B4GALT1: variants seen among roughly 807,000 people sequenced by gnomAD.
B4GALT1 encodes beta-1,4-galactosyltransferase 1.
B4GALT1 carries 16 observed loss-of-function variants against 34.9 expected under a neutral mutation model. The observed-to-expected ratio is 0.46, with a 90% CI of 0.31 to 0.70. The LOEUF is 0.70. B4GALT1 is among the 30% of genes least tolerant of loss of function. The pLI, the probability that B4GALT1 is intolerant of heterozygous loss-of-function variation, is 0.05. For synonymous variants in B4GALT1, 221 were observed against 218.1 expected, an observed-to-expected ratio of 1.01 and a Z score of -0.12; for missense variants, 445 against 530.5, an observed-to-expected ratio of 0.84 and a Z score of 1.58.
the B4GALT1 span, among the ~76,000 whole-genome samples, chr9:33,183,996 C>A: frequency 6.6e-6 from 1 of 151,840 alleles, no homozygotes; most frequent in African/African-American, 2.4e-5. Context: ...GGGAGGGGAA[C>A]ATCACACGCT....
intron 3 of B4GALT1, among the ~76,000 whole-genome samples, chr9:33,117,522 A>C (rs1474899252): frequency 6.6e-6 from 1 of 152,176 alleles, no homozygotes; most frequent in Non-Finnish European, 1.5e-5. Context: ...TGTGACTCTG[A>C]GTGCAGCTCC....
chr9:33,124,758 C>A (rs950626920), intron 2 of B4GALT1, among the ~76,000 whole-genome samples: 9 of 152,208 alleles, frequency 5.9e-5, no homozygotes, highest in African/African-American at 2.2e-4. Flanking sequence ...GGAGACTCTG[C>A]CTTCTGTAGT....
intron 1 of B4GALT1, among the ~76,000 whole-genome samples, chr9:33,135,675 C>T (rs1354176368): frequency 1.3e-5 from 2 of 152,184 alleles, no homozygotes; most frequent in East Asian, 1.9e-4. Flanking sequence ...GTGAAGCACT[C>T]GCCTGCCCAG....
exon 3 of B4GALT1, chr9:33,104,122 T>G (rs575452387): frequency 1.3e-5 from 2 of 152,322 alleles, no homozygotes; most frequent in South Asian, 4.1e-4. Flanking sequence ...ACTCCCAGAA[T>G]GGGTGTGGTA....
intron 1 of B4GALT1, among the ~76,000 whole-genome samples, chr9:33,151,449 C>G (rs1264230481): frequency 6.6e-6 from 1 of 152,074 alleles, no homozygotes; most frequent in Non-Finnish European, 1.5e-5. Flanking sequence ...TGTGGAGGGC[C>G]CACTACTCCT....
At chr9:33,166,625 AT>A (rs1177399959) in intron 1 of B4GALT1, 132 bp downstream of exon 1, 3 of 1,123,946 alleles carry the variant, frequency 2.7e-6, no homozygotes, top group Non-Finnish European at 3.6e-6. Flanking sequence ...TCTGTCTGGG[AT>A]TTAAAACTCT....
At position 33,120,542 on chromosome 9, in the gene B4GALT1, T is replaced by C; in HGVS notation, c.713A>G (p.Asp238Gly). The C allele has an allele frequency of 1.2e-6, 2 of 1,614,186 alleles. No homozygotes were observed. The highest frequency in any genetic ancestry group is 1.7e-6 in the Non-Finnish European group (2 of 1,180,036). ...AAACACAAAGCAGGTGTAGTCATAG[T>C]CCTTCAAGGCTTCTTGAAAGCCAAC... ...LNVGFQEALK[D>G]YDYTCFVFSD... The change falls in exon 3 of 6, where the codon GAC (aspartate) becomes GGC (glycine). Residue 238 changes from aspartate to glycine, a missense_variant. Physicochemically the swap from Asp to Gly is moderately conservative, Grantham distance 94. This residue lies in a region of B4GALT1 where 349 missense variants were observed against 395.5 expected (regional missense o/e 0.88). Coordinates refer to ENST00000379731, the MANE Select transcript of B4GALT1 (RefSeq NM_001497.4).
chr9:33,139,834 C>T (rs927319559), intron 1 of B4GALT1, among the ~76,000 whole-genome samples: 3 of 152,252 alleles, frequency 2.0e-5, no homozygotes, highest in African/African-American at 7.2e-5. Context: ...TGCTGTGCGG[C>T]GCATGGCGTG....
In B4GALT1 at chr9:33,167,303, G is replaced by A; in HGVS notation, c.-134C>T. 1 of 1,185,298 alleles carries A rather than the reference G, an allele frequency of 8.4e-7. No homozygotes were observed. Among genetic ancestry groups the A allele is most frequent in the Non-Finnish European group, 1.1e-6 (1 of 901,190 alleles). 73.4% of individuals were successfully genotyped at this position (1,185,298 alleles called of 1,614,324 possible). A position where few individuals can be genotyped will look rare whatever the true frequency, so the allele number is the denominator to read the frequency against. ...AGCGGGGGCGGGCGAGCGGCTGAGAGCTGAGACTCCTCCAGCCAGCCAGAC... is the reference window on the plus strand; with the variant it reads ...AGCGGGGGCGGGCGAGCGGCTGAGAACTGAGACTCCTCCAGCCAGCCAGAC... On this transcript the variant is annotated 5_prime_UTR_variant, in exon 1 of 6. Transcript: ENST00000379731.
At chr9:33,136,172 G>C (rs1840269757) in intron 1 of B4GALT1, among the ~76,000 whole-genome samples, 1 of 152,138 alleles carries the variant, frequency 6.6e-6, no homozygotes, top group African/African-American at 2.4e-5. Context: ...GGAAGAAGAA[G>C]TAACAAAGAG....
rs1206985567 is a variant in B4GALT1 at position 33,138,468 on chromosome 9, C to A, written c.413-3044G>T. Among the ~76,000 whole-genome samples, 3 of 152,132 alleles carry A rather than the reference C, an allele frequency of 2.0e-5. No homozygotes were observed. In the East Asian group the frequency reaches 5.8e-4, roughly 29 times the overall value. ...ATCTTTAGACAAATCCTTGCTCCCA[C>A]CTTCCCTGCCCTCAGCATGAATTTC... On this transcript the variant is annotated intron_variant, in intron 1 of 5. Transcript: ENST00000379731.
chr9:33,113,531 G>A lies in B4GALT1; in HGVS notation c.1120C>T (p.Leu374Phe). The change falls in exon 6 of 6, where the codon CTC becomes TTC. Residue 374 changes from leucine (L) to phenylalanine (F), a missense_variant. By Grantham distance (22) the Leu-to-Phe change is conservative. Transcript: ENST00000379731. ...TGTACATCCAGCACCTGGTAGGTGA[G>A]TGAGTTCAAACCATCAGAGAGCATT... ...ETMLSDGLNS[L>F]TYQVLDVQRY... 1 of 1,614,262 alleles carries A rather than the reference G, an allele frequency of 6.2e-7. No homozygotes were observed. The highest frequency in any genetic ancestry group is 8.5e-7 in the Non-Finnish European group (1 of 1,180,042).
intron 2 of B4GALT1, among the ~76,000 whole-genome samples, chr9:33,130,083 C>T (rs1840171833): frequency 6.6e-6 from 1 of 152,188 alleles, no homozygotes; most frequent in Admixed American, 6.5e-5. Flanking sequence ...GATATGCAAT[C>T]GGAATTGGAG....
At chr9:33,120,183 C>CA (rs1424550862) in intron 3 of B4GALT1, among the ~76,000 whole-genome samples, 6 of 143,440 alleles carry the variant, frequency 4.2e-5, no homozygotes, top group Admixed American at 7.0e-5. Flanking sequence ...GACCCTGTCT[C>CA]AAAAAACAAA....
chr9:33,167,381 G>C (rs1840783939), upstream of B4GALT1: 1 of 477,654 alleles, frequency 2.1e-6, no homozygotes, highest in Admixed American at 4.9e-5. Context: ...GAGGGGCGGG[G>C]CCCCGGCGAA....
intron 1 of B4GALT1, among the ~76,000 whole-genome samples, chr9:33,150,037 T>C (rs1015925597): frequency 2.6e-5 from 4 of 152,120 alleles, no homozygotes; most frequent in African/African-American, 9.7e-5. Context: ...GATGTCCTGA[T>C]TGTTAATTAT....
rs758970102 is a variant in B4GALT1, at chr9:33,167,022, G to A, written c.148C>T (p.Leu50=). The A allele has an allele frequency of 2.5e-6, 4 of 1,598,342 alleles. No individual in the cohort carries two copies. The Admixed American group carries it at 5.1e-5, about 20-fold the overall frequency. The change falls in exon 1 of 6, where the codon CTG becomes TTG. Residue 50 remains leucine (L), a synonymous_variant. Coordinates refer to ENST00000379731, the MANE Select transcript of B4GALT1 (RefSeq NM_001497.4). ...GTGGAGACTCCGACCAGTTGGGGCA[G>A]GCGGCTCAGGTCGCGGCCAGCCAGG... ...YYLAGRDLSR[L]PQLVGVSTPL...
rs574008053 is a variant in B4GALT1 at position 33,162,484 on chromosome 9, T to C, written c.412+4274A>G. Among the ~76,000 whole-genome samples the C allele has an allele frequency of 7.9e-5, 12 of 152,352 alleles. No individual in the cohort carries two copies. In the South Asian group the frequency reaches 2.5e-3, roughly 32 times the overall value. On this transcript the variant is annotated intron_variant, in intron 1 of 5. Transcript: ENST00000379731. ...GAACTGAAGGAATGAAGTTATCAGA[T>C]GCCTTAGCCGTCACGGATATCCATA...
intron 2 of B4GALT1, among the ~76,000 whole-genome samples, chr9:33,105,071 T>C (rs1839785749): frequency 2.0e-5 from 3 of 152,176 alleles, no homozygotes; most frequent in Non-Finnish European, 4.4e-5. Flanking sequence ...CCGCCCACCT[T>C]GGCCTCCCAA....
Sources: gnomAD v4.1 joint callset for allele counts (sites outside exome capture counted in the v4.1 genomes callset) on GRCh38, gnomAD v4.1.1 for gene constraint, gnomAD v4.1.1 regional missense constraint, MANE v1.5 for transcripts, NCBI Gene and HGNC (gene_info 2026-07-23, HGNC 2026-07-21) for gene names.